DDX10: variants seen among roughly 807,000 people sequenced by gnomAD.
DDX10 encodes DEAD-box helicase 10.
In DDX10, 74 loss-of-function variants were observed where a neutral mutation model predicts 104.3. That is an observed-to-expected ratio of 0.71 (90% CI 0.59 to 0.86). The LOEUF is 0.86. DDX10 is among the 40% of genes least tolerant of loss of function. The probability of loss-of-function intolerance (pLI) is 0.00; values close to 1 mark genes in which losing one functional copy is unlikely to be tolerated. For missense variants in DDX10, 952 were observed against 1,040.0 expected (o/e 0.92, Z 1.16); for synonymous variants, 351 against 353.4 (o/e 0.99, Z 0.08).
chr11:108,723,439 C>G lies in DDX10; in HGVS notation c.1942C>G (p.Leu648Val), dbSNP rs1001873942. 1 of 1,611,944 alleles carries G rather than the reference C, an allele frequency of 6.2e-7. No homozygotes were observed. The highest frequency in any genetic ancestry group is 1.7e-5 in the Admixed American group (1 of 59,676). Residue 648 changes from leucine (L) to valine (V), a missense_variant, in exon 13 of 18, where the codon CTT (leucine) becomes GTT (valine). By Grantham distance (32) the Leu-to-Val change is conservative (BLOSUM62 1). Around this residue, in one of 3 missense-constraint regions of DDX10, gnomAD observed 533 missense variants for 534.1 expected, o/e 1.00. Transcript: ENST00000322536. ...GCGGCATAATGTGTTTGGATTGGAC[C>G]TTAAAGACGAGAAAACATTACAGGT... ...VKRHNVFGLD[L>V]KDEKTLQKKE...
chr11:108,717,434 C>G (rs552885467), intron 11 of DDX10, among the ~76,000 whole-genome samples: 3 of 152,104 alleles, frequency 2.0e-5, no homozygotes, highest in Non-Finnish European at 4.4e-5. Flanking sequence ...TTCAGCCTCC[C>G]GAGTAGCTGG....
chr11:108,886,473 A>G (rs1006302076), intron 16 of DDX10, among the ~76,000 whole-genome samples: 8 of 152,204 alleles, frequency 5.3e-5, no homozygotes, highest in African/African-American at 1.2e-4. Context: ...TTCATTCTTC[A>G]TACCAGATTT....
intron 9 of DDX10, among the ~76,000 whole-genome samples, chr11:108,695,068 G>A (rs537817639): frequency 3.3e-5 from 5 of 152,110 alleles, no homozygotes; most frequent in Non-Finnish European, 5.9e-5. Context: ...CATTTTTCTG[G>A]ATAGCATATG....
chr11:108,722,630 T>C (rs1247539908), intron 12 of DDX10, among the ~76,000 whole-genome samples: 1 of 152,172 alleles, frequency 6.6e-6, no homozygotes, highest in Non-Finnish European at 1.5e-5. Context: ...TTACAGCAAC[T>C]GTGAGTTAGG....
At chr11:108,918,098 A>G in intron 17 of DDX10, 80 bp downstream of exon 17, 1 of 1,381,254 alleles carries the variant, frequency 7.2e-7, no homozygotes, top group Non-Finnish European at 1.0e-6. Context: ...GACATTACTA[A>G]GAGTTCTACT....
chr11:108,758,541 A>T (rs1168036273), intron 13 of DDX10, among the ~76,000 whole-genome samples: 3 of 152,078 alleles, frequency 2.0e-5, no homozygotes, highest in African/African-American at 7.2e-5. Flanking sequence ...AATGAATCTC[A>T]CTGGAGTAAA....
chr11:108,798,121 G>T (rs1861971240), intron 13 of DDX10, among the ~76,000 whole-genome samples: 2 of 151,996 alleles, frequency 1.3e-5, no homozygotes, highest in Admixed American at 1.3e-4. Context: ...TCAGCATTTT[G>T]ATTGTATCAT....
intron 13 of DDX10, among the ~76,000 whole-genome samples, chr11:108,771,330 CT>C (rs2094362839): frequency 6.6e-6 from 1 of 151,654 alleles, no homozygotes; most frequent in Non-Finnish European, 1.5e-5. Context: ...TGATTGTTTC[CT>C]TTGCTGTGCA....
chr11:108,778,966 G>T, intron 13 of DDX10, among the ~76,000 whole-genome samples: 1 of 152,182 alleles, frequency 6.6e-6, no homozygotes. Flanking sequence ...TCAGAGAAAT[G>T]CAAATCAAAA....
intron 11 of DDX10, among the ~76,000 whole-genome samples, chr11:108,718,296 A>G (rs1229020476): frequency 6.6e-6 from 1 of 152,238 alleles, no homozygotes; most frequent in Non-Finnish European, 1.5e-5. Flanking sequence ...GAGAGCATCA[A>G]ATGGTAAGCT....
chr11:108,894,772 T>C (rs921197201), intron 16 of DDX10, among the ~76,000 whole-genome samples: 1 of 152,032 alleles, frequency 6.6e-6, no homozygotes, highest in Non-Finnish European at 1.5e-5. Flanking sequence ...AGGACAACTA[T>C]GTGACTTTTT....
chr11:108,779,928 T>A (rs1024748767), intron 13 of DDX10, among the ~76,000 whole-genome samples: 1 of 152,182 alleles, frequency 6.6e-6, no homozygotes, highest in African/African-American at 2.4e-5. Context: ...TGGAGTGAGA[T>A]GAGTTAGTAT....
chr11:108,724,746 A>G (rs1034402420), intron 13 of DDX10, among the ~76,000 whole-genome samples: 3 of 152,140 alleles, frequency 2.0e-5, no homozygotes, highest in South Asian at 4.1e-4. Flanking sequence ...GTTTTATAAT[A>G]CCATGAATTG....
At chr11:108,823,598 T>C (rs980145085) in intron 13 of DDX10, among the ~76,000 whole-genome samples, 3 of 152,210 alleles carry the variant, frequency 2.0e-5, no homozygotes, top group African/African-American at 7.2e-5. Context: ...TTATTGTAGT[T>C]CTTTGTGAAG....
chr11:108,875,233 G>A (rs976497112), intron 16 of DDX10, among the ~76,000 whole-genome samples: 1 of 152,152 alleles, frequency 6.6e-6, no homozygotes, highest in African/African-American at 2.4e-5. Flanking sequence ...TAAGCTGGTT[G>A]TCTGACACAC....
At chr11:108,693,436 A>G in intron 8 of DDX10, 80 bp from the exon 9 acceptor site, 1 of 1,003,366 alleles carries the variant, frequency 1.0e-6, no homozygotes, top group Non-Finnish European at 1.6e-6. Flanking sequence ...AAGTCCTGGC[A>G]AGCAATATTT....
chr11:108,839,045 T>A (rs10890898), intron 14 of DDX10, among the ~76,000 whole-genome samples: 80,520 of 152,070 alleles, frequency 0.53, 22,453 homozygotes, highest in Non-Finnish European at 0.62. Context: ...GTGCCTTGTT[T>A]AAATTCACCT....
chr11:108,815,795 A>T (rs1210505668), intron 13 of DDX10, among the ~76,000 whole-genome samples: 1 of 152,334 alleles, frequency 6.6e-6, no homozygotes, highest in Non-Finnish European at 1.5e-5. Flanking sequence ...GTAACCCATT[A>T]TATAGCTAAA....
At chr11:108,919,960 T>TG (rs1220436226) in intron 17 of DDX10, 3 of 151,680 alleles carry the variant, frequency 2.0e-5, no homozygotes, top group African/African-American at 7.3e-5. Flanking sequence ...CTTACATTTT[T>TG]TTTTTGGTAC....
Sources: gnomAD v4.1 joint callset for allele counts (sites outside exome capture counted in the v4.1 genomes callset) on GRCh38, gnomAD v4.1.1 for gene constraint, gnomAD v4.1.1 regional missense constraint, MANE v1.5 for transcripts, NCBI Gene and HGNC (gene_info 2026-07-23, HGNC 2026-07-21) for gene names.